TGFBR3: variants seen among roughly 807,000 people sequenced by gnomAD.
TGFBR3 encodes the protein transforming growth factor beta receptor 3.
A neutral mutation model predicts 87.9 loss-of-function variants in TGFBR3; 46 were observed. The ratio of observed to expected loss-of-function variants is 0.52; its 90% CI spans 0.41 to 0.67. The LOEUF (loss-of-function observed/expected upper bound fraction) is 0.67, where lower values mean the gene tolerates loss of function less well. Ranked by LOEUF, TGFBR3 falls within the 30% of genes least tolerant of loss-of-function variation. The pLI is 0.00. For missense variants in TGFBR3, 866 were observed against 1,041.9 expected (o/e 0.83, Z 2.32); for synonymous variants, 381 against 391.6 (o/e 0.97, Z 0.32).
chr1:91,864,706 C>A (rs909881892), intron 1 of TGFBR3, among the ~76,000 whole-genome samples: 1 of 152,140 alleles, frequency 6.6e-6, no homozygotes, highest in Admixed American at 6.5e-5. Context: ...GCCTTAACAC[C>A]CGACTTAGGA....
chr1:91,749,884 GCCA>G (rs1242573577), intron 4 of TGFBR3, among the ~76,000 whole-genome samples: 1 of 152,110 alleles, frequency 6.6e-6, no homozygotes, highest in African/African-American at 2.4e-5. Flanking sequence ...CTGGAGGCTG[GCCA>G]CCACGTCAAC....
intron 1 of TGFBR3, among the ~76,000 whole-genome samples, chr1:91,881,810 C>T (rs1469296657): frequency 1.3e-5 from 2 of 151,964 alleles, no homozygotes; most frequent in African/African-American, 2.4e-5. Context: ...GAGGCCGAGG[C>T]GGGTGGATCA....
At chr1:91,706,667 T>C (rs1671811057) in intron 14 of TGFBR3, among the ~76,000 whole-genome samples, 1 of 152,210 alleles carries the variant, frequency 6.6e-6, no homozygotes, top group Admixed American at 6.5e-5. Flanking sequence ...GGAGTAGCCA[T>C]TCTTTTGTTT....
In TGFBR3 at chr1:91,739,169, T is replaced by A. The variant is rs12028452; in HGVS notation, c.385-4210A>T. Among the ~76,000 whole-genome samples the A allele has an allele frequency of 2.8e-3, 432 of 152,236 alleles. 17 individuals carry two copies. In the East Asian group the frequency reaches 0.073, roughly 26 times the overall value. On this transcript the variant is annotated intron_variant, in intron 4 of 16. Coordinates refer to ENST00000212355, the MANE Select transcript of TGFBR3 (RefSeq NM_003243.5). ...GACCGTTGTAAGGACTATTGAAACA[T>A]CTACCAAATGTTTTCGCAGGATGGC...
intron 2 of TGFBR3, among the ~76,000 whole-genome samples, chr1:91,851,262 C>T (rs1049177897): frequency 2.0e-5 from 3 of 152,132 alleles, no homozygotes; most frequent in Admixed American, 2.0e-4. Context: ...TTTTTCAGCC[C>T]TCTAGAATTC....
At chr1:91,750,555 T>TA (rs2100869658) in intron 4 of TGFBR3, among the ~76,000 whole-genome samples, 1 of 152,184 alleles carries the variant, frequency 6.6e-6, no homozygotes, top group Non-Finnish European at 1.5e-5. Context: ...GACTCCGGAA[T>TA]AAAAATGCAT....
intron 1 of TGFBR3, among the ~76,000 whole-genome samples, chr1:91,879,403 G>T (rs1316819807): frequency 1.3e-5 from 2 of 151,972 alleles, no homozygotes; most frequent in Admixed American, 1.3e-4. Context: ...CAGACATTAG[G>T]CTCCCTGCCC....
chr1:91,827,695 T>C (rs1406973270), intron 2 of TGFBR3, among the ~76,000 whole-genome samples: 5 of 152,170 alleles, frequency 3.3e-5, no homozygotes, highest in African/African-American at 9.7e-5. Context: ...TGGTAAATGT[T>C]TACTGAATGA....
At chr1:91,722,228 A>C in intron 7 of TGFBR3, 84 bp from the exon 8 acceptor site, 2 of 1,108,990 alleles carry the variant, frequency 1.8e-6, no homozygotes, top group South Asian at 2.8e-5. Context: ...TTAAATAAGT[A>C]GATTCTATAT....
At chr1:91,723,320 A>G (rs964538930) in intron 7 of TGFBR3, among the ~76,000 whole-genome samples, 2 of 151,900 alleles carry the variant, frequency 1.3e-5, no homozygotes, top group African/African-American at 4.8e-5. Context: ...CATCTCTACA[A>G]AAATTTTAAA....
intron 3 of TGFBR3, among the ~76,000 whole-genome samples, chr1:91,769,656 T>A (rs932603248): frequency 4.6e-5 from 7 of 152,136 alleles, no homozygotes; most frequent in Admixed American, 2.0e-4. Flanking sequence ...TTTTTTTTTT[T>A]AATACAACAC....
chr1:91,729,701 T>C, intron 6 of TGFBR3, 104 bp downstream of exon 6: 1 of 1,328,844 alleles, frequency 7.5e-7, no homozygotes, highest in African/African-American at 1.4e-5. Context: ...CCTTCCCTCC[T>C]GCGTAGGGGA....
chr1:91,827,612 G>A (rs892944574), intron 2 of TGFBR3, among the ~76,000 whole-genome samples: 4 of 152,120 alleles, frequency 2.6e-5, no homozygotes, highest in South Asian at 2.1e-4. Flanking sequence ...TATGCACGCC[G>A]CATGAGATAA....
intron 1 of TGFBR3, among the ~76,000 whole-genome samples, chr1:91,900,377 G>T (rs1679686295): frequency 6.6e-6 from 1 of 152,152 alleles, no homozygotes; most frequent in African/African-American, 2.4e-5. Context: ...GCCTCCCAAA[G>T]TGCTGGGATT....
chr1:91,716,082 T>A (rs1351625747), intron 12 of TGFBR3, among the ~76,000 whole-genome samples, 154 bp downstream of exon 12: 1 of 152,146 alleles, frequency 6.6e-6, no homozygotes, highest in Non-Finnish European at 1.5e-5. Flanking sequence ...CAGAAGTCAG[T>A]CTGGAAGCGT....
intron 2 of TGFBR3, among the ~76,000 whole-genome samples, chr1:91,835,827 C>CAAAA (rs57326419): frequency 0.12 from 8,655 of 73,802 alleles, 2,047 homozygotes; most frequent in Non-Finnish European, 0.17. Context: ...GACTCCACCT[C>CAAAA]AAAAAAAAAA....
intron 3 of TGFBR3, among the ~76,000 whole-genome samples, chr1:91,795,059 G>C (rs1220116209): frequency 2.0e-5 from 3 of 152,182 alleles, no homozygotes; most frequent in Non-Finnish European, 4.4e-5. Flanking sequence ...CTCTCGTCCT[G>C]ACCCTCATTC....
chr1:91,720,124 C>T lies in TGFBR3; in HGVS notation c.1182G>A (p.Gly394=). 5.0e-6 allele frequency: 8 copies of T among 1,614,046 alleles called. No homozygotes were observed. The highest frequency in any genetic ancestry group is 5.9e-6 in the Non-Finnish European group (7 of 1,179,996). The change falls in exon 9 of 17, where the codon GGG becomes GGA. Residue 394 remains glycine, a synonymous_variant. Coordinates refer to ENST00000212355, the MANE Select transcript of TGFBR3 (RefSeq NM_003243.5). ...PALQNPPIRG[G]EGQNGGLPFP... is the part of the protein sequence containing the mutation. ...ACGGAAGGCCTCCATTTTGGCCTTC[C>T]CCTCCCCGGATGGGCGGGTTCTGCA...
chr1:91,692,646 C>T (rs1288848509), intron 16 of TGFBR3, among the ~76,000 whole-genome samples: 1 of 152,110 alleles, frequency 6.6e-6, no homozygotes, highest in Non-Finnish European at 1.5e-5. Context: ...CCCCCAAGCA[C>T]CCCTCCTCTC....
Sources: allele counts gnomAD v4.1 joint callset (sites outside exome capture counted in the v4.1 genomes callset), GRCh38; gene constraint gnomAD v4.1.1; transcripts MANE v1.5; gene names NCBI Gene and HGNC (gene_info 2026-07-23, HGNC 2026-07-21).